ZNF35: variants seen among roughly 807,000 people sequenced by gnomAD.
ZNF35 encodes the protein zinc finger protein 35, also known as zinc finger protein 35 (clone HF.10).
ZNF35 carries 31 observed loss-of-function variants against 45.9 expected under a neutral mutation model. The observed-to-expected ratio is 0.68, with a 90% CI of 0.51 to 0.91. The LOEUF is 0.91. Ranked by LOEUF, ZNF35 falls within the 40% of genes least tolerant of loss-of-function variation. The probability of loss-of-function intolerance (pLI) is 0.00; values close to 1 mark genes in which losing one functional copy is unlikely to be tolerated. For synonymous variants in ZNF35, 205 were observed against 220.2 expected (o/e 0.93, Z 0.61); for missense variants, 515 against 625.4 (o/e 0.82, Z 1.88).
upstream of ZNF35, chr3:44,646,526 A>G (rs765947616): frequency 6.9e-7 from 1 of 1,451,710 alleles, no homozygotes; most frequent in South Asian, 1.1e-5. Flanking sequence ...GAACAAATAA[A>G]AGACACCACG....
At chr3:44,657,401 T>G (rs1575517548) in intron 3 of ZNF35, among the ~76,000 whole-genome samples, 1 of 152,304 alleles carries the variant, frequency 6.6e-6, no homozygotes, top group East Asian at 1.9e-4. Flanking sequence ...TCACTTGCCT[T>G]ATTTCTTGAG....
At chr3:44,647,600 T>G (rs1306933273), upstream of ZNF35, 1 of 152,222 alleles carries the variant, frequency 6.6e-6, no homozygotes, top group Non-Finnish European at 1.5e-5. Context: ...TGTATTACCA[T>G]GGAATACTTG....
rs2125845150 is a variant in ZNF35 at position 44,659,034 on chromosome 3, G to A, written c.671G>A (p.Cys224Tyr). ...CAGCTTGGACAAAAGCCTTTTACGT[G>A]TAGCGTGTGTGGGAAAGGATTTAGT... ...KTQLGQKPFT[C>Y]SVCGKGFSQS... The change falls in exon 4 of 4, where the codon TGT becomes TAT. Residue 224 changes from cysteine (C) to tyrosine (Y), a missense_variant. Physicochemically the swap from Cys to Tyr is radical, Grantham distance 194. Transcript: ENST00000396056. This position sits in a 1 kb window ranked among gnomAD's most constrained non-coding sequence, Gnocchi z 4.3. 1.2e-6 allele frequency: 2 copies of A among 1,614,236 alleles called. No individual in the cohort carries two copies. Among genetic ancestry groups the A allele is most frequent in the Non-Finnish European group, 1.7e-6 (2 of 1,180,046 alleles).
At chr3:44,654,003 C>T (rs1033299554) in intron 3 of ZNF35, among the ~76,000 whole-genome samples, 32 of 152,212 alleles carry the variant, frequency 2.1e-4, no homozygotes, top group Admixed American at 2.1e-3. Flanking sequence ...TTTCTTGTCT[C>T]ATATTTAATT....
At chr3:44,655,906 T>C (rs1703291927) in intron 3 of ZNF35, among the ~76,000 whole-genome samples, 1 of 152,026 alleles carries the variant, frequency 6.6e-6, no homozygotes, top group Non-Finnish European at 1.5e-5. Context: ...GTAAGGAGGG[T>C]AGGAGTGAAA....
At position 44,659,433 on chromosome 3, in the gene ZNF35, C is replaced by A. The variant is rs753731296; in HGVS notation, c.1070C>A (p.Thr357Asn). Residue 357 changes from threonine to asparagine, a missense_variant, in exon 4 of 4, where the codon ACT (threonine) becomes AAT (asparagine). By Grantham distance (65) the Thr-to-Asn change is moderately conservative (BLOSUM62 0). Around this residue, in one of 3 missense-constraint regions of ZNF35, gnomAD observed 232 missense variants for 304.6 expected, o/e 0.76. Transcript: ENST00000396056. The surrounding 1 kb of genome is among the most constrained non-coding windows in gnomAD (Gnocchi z 4.3). ...CTCATTGTCCACCAGAGGATCCACA[C>A]TGGGGAGAAGCCCTTTGCCTGTAAC... ...SNLIVHQRIH[T>N]GEKPFACNDC... 6.2e-7 allele frequency: 1 copy of A among 1,613,492 alleles called. No individual in the cohort carries two copies. Among genetic ancestry groups the A allele is most frequent in the South Asian group, 1.1e-5 (1 of 90,952 alleles).
At chr3:44,658,145 T>C (rs1022122863) in intron 3 of ZNF35, among the ~76,000 whole-genome samples, 3 of 152,214 alleles carry the variant, frequency 2.0e-5, no homozygotes, top group African/African-American at 7.2e-5. Context: ...TTTTGGCTGC[T>C]GTGGCTGTCT....
intron 2 of ZNF35, 65 bp downstream of exon 2, chr3:44,651,324 G>C: frequency 6.7e-7 from 1 of 1,502,958 alleles, no homozygotes; most frequent in Non-Finnish European, 9.0e-7. Context: ...TTTAAGAGGG[G>C]ACTCTGCCCC....
intron 1 of ZNF35, 69 bp from the exon 2 acceptor site, chr3:44,650,872 C>T (rs1703189686): frequency 1.9e-6 from 1 of 528,800 alleles, no homozygotes; most frequent in Non-Finnish European, 3.2e-6. Context: ...GGTGTGGCAT[C>T]CGGCAAATTT....
chr3:44,646,690 T>C, upstream of ZNF35: 1 of 563,134 alleles, frequency 1.8e-6, no homozygotes, highest in Non-Finnish European at 3.2e-6. Context: ...TGCTTTTGTG[T>C]ATGTATGAAA....
At chr3:44,649,300 G>T (rs1003564657) in intron 1 of ZNF35, among the ~76,000 whole-genome samples, 50 of 152,326 alleles carry the variant, frequency 3.3e-4, no homozygotes, top group African/African-American at 9.9e-4. Flanking sequence ...GATAGTGATG[G>T]AAAGAATAGT....
chr3:44,659,363 TATGAATGTA>T lies in ZNF35; in HGVS notation c.1009_1017del (p.Asn337_Cys339del). 3 of 1,614,062 alleles carry T rather than the reference TATGAATGTA, an allele frequency of 1.9e-6. No homozygotes were observed. Among genetic ancestry groups the T allele is most frequent in the Non-Finnish European group, 2.5e-6 (3 of 1,179,994 alleles). ...GAAAGTCCACATTACGGAAAAATGC[TATGAATGTA>T]ATGAATGTGGGAAAACATTTACTAG... On this transcript the variant is annotated inframe_deletion, in exon 4 of 4. Transcript: ENST00000396056. This position sits in a 1 kb window ranked among gnomAD's most constrained non-coding sequence, Gnocchi z 4.3.
intron 3 of ZNF35, among the ~76,000 whole-genome samples, chr3:44,654,763 T>C (rs902543097): frequency 1.3e-5 from 2 of 152,210 alleles, no homozygotes; most frequent in Non-Finnish European, 2.9e-5. Context: ...CTAGAAATAT[T>C]TGTATAAAAG....
chr3:44,655,908 G>C (rs1195819176), intron 3 of ZNF35, among the ~76,000 whole-genome samples: 1 of 152,214 alleles, frequency 6.6e-6, no homozygotes, highest in Non-Finnish European at 1.5e-5. Flanking sequence ...AAGGAGGGTA[G>C]GAGTGAAAGT....
intron 3 of ZNF35, among the ~76,000 whole-genome samples, chr3:44,653,613 A>G (rs543008058): frequency 6.6e-5 from 10 of 152,178 alleles, no homozygotes; most frequent in Admixed American, 2.0e-4. Context: ...TGTGCAAATT[A>G]TAGAGGATTT....
chr3:44,651,866 C>G (rs1703209494), intron 2 of ZNF35, among the ~76,000 whole-genome samples: 1 of 151,844 alleles, frequency 6.6e-6, no homozygotes, highest in Non-Finnish European at 1.5e-5. Flanking sequence ...AGGGTGGGAC[C>G]TGGGTATCCA....
Position 44,659,249 on chromosome 3 carries a change from C to T in ZNF35, c.886C>T (p.His296Tyr). Reference sequence around the variant, plus strand: ...CACTCAGAGTTCAAATCTGACTGTACATCAAAAAATCCACTCCTTAGAAAA... The same window carrying T: ...CACTCAGAGTTCAAATCTGACTGTATATCAAAAAATCCACTCCTTAGAAAA... The part of the protein sequence containing the change: ...AFTQSSNLTV[H>Y]QKIHSLEKTF... Residue 296 changes from histidine to tyrosine, a missense_variant, in exon 4 of 4, where the codon CAT becomes TAT. Around this residue, in one of 3 missense-constraint regions of ZNF35, gnomAD observed 232 missense variants for 304.6 expected, o/e 0.76. Coordinates refer to ENST00000396056, the MANE Select transcript of ZNF35 (RefSeq NM_003420.4). The surrounding 1 kb of genome is among the most constrained non-coding windows in gnomAD (Gnocchi z 4.3). The T allele has an allele frequency of 6.2e-7, 1 of 1,613,736 alleles. No individual in the cohort carries two copies. Among genetic ancestry groups the T allele is most frequent in the African/African-American group, 1.3e-5 (1 of 74,984 alleles).
At position 44,660,055 on chromosome 3, in the gene ZNF35, C is replaced by A; in HGVS notation, c.*108C>A. 1 of 1,199,092 alleles carries A rather than the reference C, an allele frequency of 8.3e-7. No individual in the cohort carries two copies. The highest frequency in any genetic ancestry group is 1.1e-6 in the Non-Finnish European group (1 of 888,806). The allele number at this position is 1,199,092 out of a possible 1,614,324, so 74.3% of individuals were successfully genotyped here. On this transcript the variant is annotated 3_prime_UTR_variant, in exon 4 of 4. Transcript: ENST00000396056. ...CCTCTATAAAAGTGAGGGCTGTGTC[C>A]TTAAAAGTTATAGTTTTCAGGAATG...
intron 3 of ZNF35, among the ~76,000 whole-genome samples, chr3:44,654,430 G>C (rs1280697539): frequency 1.3e-5 from 2 of 152,084 alleles, no homozygotes; most frequent in Non-Finnish European, 2.9e-5. Flanking sequence ...CTACAAATTG[G>C]GTGTGTTCAT....
Sources: allele counts gnomAD v4.1 joint callset (sites outside exome capture counted in the v4.1 genomes callset), GRCh38; gene constraint gnomAD v4.1.1; regional missense constraint gnomAD v4.1.1; non-coding constraint Gnocchi (gnomAD v3.1); transcripts MANE v1.5; gene names NCBI Gene and HGNC (gene_info 2026-07-23, HGNC 2026-07-21).